ANKS6: variants seen among roughly 807,000 people sequenced by gnomAD.
The protein encoded by ANKS6 is ankyrin repeat and sterile alpha motif domain containing 6.
ANKS6 carries 47 observed loss-of-function variants against 77.9 expected under a neutral mutation model. The observed-to-expected ratio is 0.60, with a 90% CI of 0.48 to 0.77. The LOEUF (loss-of-function observed/expected upper bound fraction) is 0.77. ANKS6 is among the 30% of genes least tolerant of loss of function. ANKS6 has a pLI of 0.00. For synonymous variants in ANKS6, 488 were observed against 501.7 expected, an observed-to-expected ratio of 0.97 and a Z score of 0.37; for missense variants, 1,150 against 1,159.1, an observed-to-expected ratio of 0.99 and a Z score of 0.11.
intron 14 of ANKS6, among the ~76,000 whole-genome samples, chr9:98,745,012 T>C (rs507318): frequency 0.04 from 6,035 of 152,304 alleles, 370 homozygotes; most frequent in East Asian, 0.26. Flanking sequence ...GGTGTGTGTG[T>C]GCCTTTGGGT....
intron 2 of ANKS6, among the ~76,000 whole-genome samples, chr9:98,785,211 A>C (rs1297735889): frequency 6.6e-6 from 1 of 152,230 alleles, no homozygotes; most frequent in African/African-American, 2.4e-5. Flanking sequence ...GGGGTCTTAG[A>C]AAATCCTGGA....
At chr9:98,775,677 C>T (rs938106004) in intron 8 of ANKS6, among the ~76,000 whole-genome samples, 3 of 152,052 alleles carry the variant, frequency 2.0e-5, no homozygotes, top group Non-Finnish European at 2.9e-5. Context: ...AAACTGCTTA[C>T]AAAAAATACT....
chr9:98,750,305 A>T (rs1471132411), intron 13 of ANKS6, among the ~76,000 whole-genome samples: 1 of 152,208 alleles, frequency 6.6e-6, no homozygotes, highest in Non-Finnish European at 1.5e-5. Flanking sequence ...GGTTTCTTCC[A>T]CTTAGCAAGA....
intron 8 of ANKS6, 26 bp from the exon 9 acceptor site, chr9:98,774,106 A>G: frequency 7.0e-7 from 1 of 1,428,302 alleles, no homozygotes; most frequent in Non-Finnish European, 9.2e-7. Flanking sequence ...TGAGGGTTAG[A>G]CAAGCCCCCA....
rs61383603 is a variant in ANKS6, at chr9:98,736,327, T to C, written c.*192A>G. ...CACTGGACTGTTACATGGGAATCTG[T>C]CTCTGTGTGTTGAAGTTTGTTGCAG... On this transcript the variant is annotated 3_prime_UTR_variant, in exon 15 of 15. Coordinates refer to ENST00000353234, the MANE Select transcript of ANKS6 (RefSeq NM_173551.5). 13,542 of 1,418,540 alleles carry C rather than the reference T, an allele frequency of 9.5e-3. 1,049 individuals carry two copies. The African/African-American group carries it at 0.17, about 18-fold the overall frequency. The allele number at this position is 1,418,540 out of a possible 1,614,324, so 87.9% of individuals were successfully genotyped here.
chr9:98,740,635 G>A (rs1248876027), intron 14 of ANKS6, among the ~76,000 whole-genome samples: 2 of 152,192 alleles, frequency 1.3e-5, no homozygotes, highest in Admixed American at 6.5e-5. Context: ...GGGCAAGACA[G>A]GGTTCCGGCC....
chr9:98,796,102 G>C (rs1021965759), intron 1 of ANKS6, 31 bp downstream of exon 1: 2 of 1,310,800 alleles, frequency 1.5e-6, no homozygotes, highest in Admixed American at 7.7e-5. Flanking sequence ...GCACCACTCT[G>C]GTCCCGGGCC....
intron 9 of ANKS6, 83 bp downstream of exon 9, chr9:98,773,794 G>T: frequency 7.7e-7 from 1 of 1,301,174 alleles, no homozygotes; most frequent in Non-Finnish European, 1.0e-6. Context: ...GGATTCGTCG[G>T]TTTGAGGTCC....
rs767573684 is a variant in ANKS6 at position 98,732,804 on chromosome 9, A to C, written c.*3715T>G. 3.0e-6 allele frequency: 4 copies of C among 1,332,510 alleles called. No individual in the cohort carries two copies. The highest frequency in any genetic ancestry group is 3.8e-6 in the Non-Finnish European group (4 of 1,042,426). The allele number at this position is 1,332,510 out of a possible 1,614,324, so 82.5% of individuals were successfully genotyped here. The stretch of plus-strand genomic sequence containing the variant: ...TGTCCAGTGCTCTTTCCAGGGTAAC[A>C]GGTTGCTTCTACTCATTTTAAAGGA... On this transcript the variant is annotated 3_prime_UTR_variant, in exon 15 of 15. Coordinates refer to ENST00000353234, the MANE Select transcript of ANKS6 (RefSeq NM_173551.5).
intron 2 of ANKS6, among the ~76,000 whole-genome samples, chr9:98,788,827 GGT>G (rs1341970422): frequency 6.6e-6 from 1 of 152,126 alleles, no homozygotes; most frequent in Non-Finnish European, 1.5e-5. Flanking sequence ...GCTTCCAATG[GGT>G]GTGTGACCTT....
At chr9:98,764,155 T>C (rs1391453602) in intron 11 of ANKS6, among the ~76,000 whole-genome samples, 1 of 152,216 alleles carries the variant, frequency 6.6e-6, no homozygotes, top group East Asian at 1.9e-4. Context: ...CTTTCAGTAC[T>C]TTAAAGATGT....
rs1212488917 is a variant in ANKS6, at chr9:98,791,759, CCCT to C, written c.360-1156_360-1154del. ...TGCACCTCATCTAAACCCAAGACCT[CCCT>C]CCTCCTGGCGGCTGGCGGCCAGGCC... On this transcript the variant is annotated intron_variant, in intron 1 of 14. Coordinates refer to ENST00000353234, the MANE Select transcript of ANKS6 (RefSeq NM_173551.5). The surrounding 1 kb of genome is among the most constrained non-coding windows in gnomAD (Gnocchi z 4.3). 6.6e-6 allele frequency among the ~76,000 whole-genome samples: 1 copy of C among 152,160 alleles called. No individual in the cohort carries two copies. The highest frequency in any genetic ancestry group is 1.5e-5 in the Non-Finnish European group (1 of 68,020).
At chr9:98,771,158 C>T (rs529221349) in intron 9 of ANKS6, 112 bp from the exon 10 acceptor site, 68 of 1,245,200 alleles carry the variant, frequency 5.5e-5, no homozygotes, top group Middle Eastern at 4.5e-4. Context: ...CACCAAAGCT[C>T]GCTGTGCCCA....
At chr9:98,771,146 C>T (rs1316174219) in intron 9 of ANKS6, 100 bp from the exon 10 acceptor site, 2 of 1,290,100 alleles carry the variant, frequency 1.6e-6, no homozygotes, top group Non-Finnish European at 2.0e-6. Flanking sequence ...TGGTGCATAC[C>T]CCACCAAAGC....
chr9:98,746,696 C>T (rs963901581), intron 13 of ANKS6, among the ~76,000 whole-genome samples: 2 of 151,854 alleles, frequency 1.3e-5, no homozygotes, highest in African/African-American at 4.8e-5. Context: ...AATGCCACAT[C>T]ACCCTTCAGC....
chr9:98,765,048 T>A (rs1025302327), intron 11 of ANKS6, among the ~76,000 whole-genome samples: 3 of 152,128 alleles, frequency 2.0e-5, no homozygotes, highest in Non-Finnish European at 4.4e-5. Flanking sequence ...TATGCCTGAG[T>A]GGAAAAAGAA....
Position 98,734,657 on chromosome 9 carries a change from G to A in ANKS6, c.*1862C>T, listed in dbSNP as rs1343095209. 1.1e-6 allele frequency: 1 copy of A among 941,706 alleles called. No individual in the cohort carries two copies. The highest frequency in any genetic ancestry group is 1.3e-6 in the Non-Finnish European group (1 of 790,434). 58.3% of individuals were successfully genotyped at this position (941,706 alleles called of 1,614,324 possible). Reference sequence around the variant, plus strand: ...TCTGCTCCTTCTGGGCTGTTTAACTGGCAAGCTGCTTCCCTCTCCTAAGCA... The same window carrying A: ...TCTGCTCCTTCTGGGCTGTTTAACTAGCAAGCTGCTTCCCTCTCCTAAGCA... On this transcript the variant is annotated 3_prime_UTR_variant, in exon 15 of 15. Transcript: ENST00000353234.
chr9:98,761,225 A>C (rs1041396662), intron 11 of ANKS6, among the ~76,000 whole-genome samples: 4 of 152,026 alleles, frequency 2.6e-5, no homozygotes, highest in Middle Eastern at 3.2e-3. Flanking sequence ...TTTTACATTT[A>C]TGTTTTATTA....
At position 98,774,064 on chromosome 9, in the gene ANKS6, G is replaced by C; in HGVS notation, c.1634C>G (p.Pro545Arg). ...CTTGTCACTCGGGAGTCTGGTGAGG[G>C]GAGCTCCGTTTCGAAGCTGAAAAAG... Reference protein sequence around the residue: ...LLTTMLRNGAPLTRLPSDKLK... With the variant: ...LLTTMLRNGARLTRLPSDKLK... Residue 545 changes from proline (P) to arginine (R), a missense_variant, in exon 9 of 15, where the codon CCC (proline) becomes CGC (arginine). Physicochemically the swap from Pro to Arg is moderately radical, Grantham distance 103 (BLOSUM62 -2). Transcript: ENST00000353234. 1.3e-6 allele frequency: 2 copies of C among 1,507,852 alleles called. No homozygotes were observed. Among genetic ancestry groups the C allele is most frequent in the Non-Finnish European group, 1.8e-6 (2 of 1,123,432 alleles). The allele number at this position is 1,507,852 out of a possible 1,614,324, so 93.4% of individuals were successfully genotyped here.
Sources: gnomAD v4.1 joint callset for allele counts (sites outside exome capture counted in the v4.1 genomes callset) on GRCh38, gnomAD v4.1.1 for gene constraint, Gnocchi (gnomAD v3.1) non-coding constraint, MANE v1.5 for transcripts, NCBI Gene and HGNC (gene_info 2026-07-23, HGNC 2026-07-21) for gene names.